The following CPT1A variants were observed in gnomAD, a reference collection of about 807,000 sequenced individuals.
CPT1A encodes carnitine O-palmitoyltransferase 1, liver isoform.
In CPT1A, 64 loss-of-function variants were observed where a neutral mutation model predicts 100.8. The ratio of observed to expected loss-of-function variants is 0.63; its 90% CI spans 0.52 to 0.78. The LOEUF (loss-of-function observed/expected upper bound fraction) is 0.78. Ranked by LOEUF, CPT1A falls within the 30% of genes least tolerant of loss-of-function variation. The pLI is 0.00. For missense variants in CPT1A, 802 were observed against 1,034.1 expected (o/e 0.78, Z 3.08); for synonymous variants, 363 against 396.0 (o/e 0.92, Z 0.99).
At position 68,799,606 on chromosome 11, in the gene CPT1A, T is replaced by G. The variant is rs550544972; in HGVS notation, c.556-251A>C. 2.0e-5 allele frequency among the ~76,000 whole-genome samples: 3 copies of G among 151,616 alleles called. No homozygotes were observed. In the South Asian group the frequency reaches 6.3e-4, roughly 32 times the overall value. On this transcript the variant is annotated intron_variant, in intron 5 of 18. Transcript: ENST00000265641. ...TCTACAAAAAAAAACAAGACAAAAA[T>G]TAGCTGGACATGGTGGTGCATGTCT...
At chr11:68,832,513 T>C (rs1009379552) in intron 1 of CPT1A, among the ~76,000 whole-genome samples, 5 of 152,080 alleles carry the variant, frequency 3.3e-5, no homozygotes, top group Non-Finnish European at 7.3e-5. Context: ...ACTTATACTC[T>C]TAACTCCCAA....
intron 10 of CPT1A, among the ~76,000 whole-genome samples, chr11:68,782,795 G>A (rs1308289356): frequency 6.6e-6 from 1 of 152,186 alleles, no homozygotes; most frequent in African/African-American, 2.4e-5. Context: ...CTAGAAACAC[G>A]CTAGGCCTCA....
intron 12 of CPT1A, among the ~76,000 whole-genome samples, chr11:68,778,923 C>T (rs1360905139): frequency 2.6e-5 from 4 of 151,658 alleles, no homozygotes; most frequent in Non-Finnish European, 4.4e-5. Context: ...GTAGCTGGGA[C>T]TACAGGTGCC....
chr11:68,764,172 G>A (rs963753267), intron 14 of CPT1A, among the ~76,000 whole-genome samples: 10 of 152,184 alleles, frequency 6.6e-5, no homozygotes, highest in African/African-American at 1.4e-4. Flanking sequence ...AAGGCAGCAC[G>A]CGGCTGTGGG....
At chr11:68,798,894 G>C (rs1300952443) in intron 6 of CPT1A, among the ~76,000 whole-genome samples, 2 of 152,172 alleles carry the variant, frequency 1.3e-5, no homozygotes, top group African/African-American at 4.8e-5. Context: ...GGGTGTGGTG[G>C]CTCATGCCTA....
intron 14 of CPT1A, 96 bp downstream of exon 14, chr11:68,773,169 G>C: frequency 6.3e-7 from 1 of 1,582,866 alleles, no homozygotes; most frequent in Non-Finnish European, 8.6e-7. Flanking sequence ...CCTATGCCGG[G>C]TTTCGGGCCT....
In CPT1A at chr11:68,754,923, A is replaced by G; in HGVS notation, c.*2721T>C. 1 of 764,066 alleles carries G rather than the reference A, an allele frequency of 1.3e-6. No individual in the cohort carries two copies. Among genetic ancestry groups the G allele is most frequent in the Non-Finnish European group, 2.5e-6 (1 of 405,772 alleles). 47.3% of individuals were successfully genotyped at this position (764,066 alleles called of 1,614,324 possible). A position where few individuals can be genotyped will look rare whatever the true frequency, so the allele number is the denominator to read the frequency against. Reference sequence around the variant, plus strand: ...GTTAATGTTTTATTAATGATAACCTACATTCACACTGCATTTCTAAGATTT... The same window carrying G: ...GTTAATGTTTTATTAATGATAACCTGCATTCACACTGCATTTCTAAGATTT... On this transcript the variant is annotated 3_prime_UTR_variant, in exon 19 of 19. Coordinates refer to ENST00000265641, the MANE Select transcript of CPT1A (RefSeq NM_001876.4).
chr11:68,802,582 AT>A (rs1174172912), intron 5 of CPT1A, among the ~76,000 whole-genome samples: 2 of 151,988 alleles, frequency 1.3e-5, no homozygotes, highest in African/African-American at 2.4e-5. Flanking sequence ...CAAAAAAAAA[AT>A]ATTAGCCAGG....
chr11:68,806,487 C>A (rs1594355773), intron 4 of CPT1A, among the ~76,000 whole-genome samples: 1 of 151,970 alleles, frequency 6.6e-6, no homozygotes, highest in East Asian at 1.9e-4. Flanking sequence ...AATTAGTCAG[C>A]CATGGTGGTG....
In CPT1A at chr11:68,841,397, T is replaced by C. The variant is rs1470507713; in HGVS notation, c.-14+378A>G. Reference sequence around the variant, plus strand: ...GGGCAGACCCTCAGACTCAATCCAGTCCAGGGCGGATTAAGGAGTGGGAGA... The same window carrying C: ...GGGCAGACCCTCAGACTCAATCCAGCCCAGGGCGGATTAAGGAGTGGGAGA... On this transcript the variant is annotated intron_variant, in intron 1 of 18. Coordinates refer to ENST00000265641, the MANE Select transcript of CPT1A (RefSeq NM_001876.4). This position sits in a 1 kb window ranked among gnomAD's most constrained non-coding sequence, Gnocchi z 6.3. 6.6e-6 allele frequency among the ~76,000 whole-genome samples: 1 copy of C among 150,474 alleles called. No individual in the cohort carries two copies. The highest frequency in any genetic ancestry group is 1.5e-5 in the Non-Finnish European group (1 of 67,686).
At chr11:68,804,439 T>C (rs745492201) in intron 4 of CPT1A, among the ~76,000 whole-genome samples, 6 of 151,898 alleles carry the variant, frequency 4.0e-5, no homozygotes, top group Non-Finnish European at 5.9e-5. Flanking sequence ...CTACAAAAAA[T>C]TAGCCAGGCA....
chr11:68,810,527 C>T (rs1415421218), intron 3 of CPT1A, among the ~76,000 whole-genome samples: 1 of 152,172 alleles, frequency 6.6e-6, no homozygotes, highest in Non-Finnish European at 1.5e-5. Context: ...CTCAGCTGGA[C>T]GCTCGATGAC....
intron 9 of CPT1A, chr11:68,786,084 C>T (rs979531491): frequency 1.4e-6 from 1 of 701,796 alleles, no homozygotes; most frequent in Non-Finnish European, 2.6e-6. Context: ...GACAAGCTAC[C>T]AGGAGCAGTG....
chr11:68,819,668 T>C (rs565865151), intron 1 of CPT1A, among the ~76,000 whole-genome samples: 6 of 152,360 alleles, frequency 3.9e-5, no homozygotes, highest in African/African-American at 1.4e-4. Flanking sequence ...GAGGTAATTA[T>C]AGTGTCCTTT....
chr11:68,780,248 A>G (rs776320213), intron 12 of CPT1A, among the ~76,000 whole-genome samples: 4 of 152,210 alleles, frequency 2.6e-5, no homozygotes, highest in Non-Finnish European at 5.9e-5. Flanking sequence ...CGCAAATATT[A>G]CAAAACTAAA....
chr11:68,815,391 A>G lies in CPT1A; in HGVS notation c.84T>C (p.Leu28=). The G allele has an allele frequency of 6.2e-7, 1 of 1,614,172 alleles. No homozygotes were observed. Among genetic ancestry groups the G allele is most frequent in the Non-Finnish European group, 8.5e-7 (1 of 1,180,008 alleles). Residue 28 remains leucine, a synonymous_variant, in exon 2 of 19, where the codon CTT becomes CTC. Transcript: ENST00000265641. ...GIDLRLSHEA[L]RQIYLSGLHS... The stretch of plus-strand genomic sequence containing the variant: ...GAAGTCCAGAGAGATAGATTTGTCT[A>G]AGAGCTTCATGGCTCAGCCGCAGGT...
intron 9 of CPT1A, 28 bp downstream of exon 9, chr11:68,793,287 C>T (rs1166809022): frequency 5.8e-6 from 9 of 1,562,940 alleles, no homozygotes; most frequent in Non-Finnish European, 7.9e-6. Context: ...GCCGATTCTC[C>T]AGGGGGCCCT....
intron 14 of CPT1A, among the ~76,000 whole-genome samples, chr11:68,768,066 CTTTTTTTTTTTTTT>C (rs71043448): frequency 5.2e-4 from 37 of 71,244 alleles, no homozygotes; most frequent in South Asian, 2.6e-3. Context: ...AGTTTCCAGT[CTTTTTTTTTTTTTT>C]TTTTTTTTTT....
chr11:68,778,320 G>A (rs992589600), intron 12 of CPT1A, among the ~76,000 whole-genome samples: 1 of 152,164 alleles, frequency 6.6e-6, no homozygotes, highest in Non-Finnish European at 1.5e-5. Context: ...GGAGCCAGGG[G>A]AAGCCAGGGG....
Sources: allele counts gnomAD v4.1 joint callset (sites outside exome capture counted in the v4.1 genomes callset), GRCh38; gene constraint gnomAD v4.1.1; non-coding constraint Gnocchi (gnomAD v3.1); transcripts MANE v1.5; gene names NCBI Gene and HGNC (gene_info 2026-07-23, HGNC 2026-07-21).